Variants in TOX observed in about 807,000 individuals in gnomAD.
TOX encodes the protein thymocyte selection-associated high mobility group box protein TOX.
TOX carries 11 observed loss-of-function variants against 53.7 expected under a neutral mutation model. That is an observed-to-expected ratio of 0.20 (90% CI 0.13 to 0.34). The LOEUF (loss-of-function observed/expected upper bound fraction) is 0.34. Among genes scored for constraint, TOX ranks in the 10% least tolerant of loss-of-function variants. TOX has a pLI of 1.00. For missense variants in TOX, 570 were observed against 664.6 expected (o/e 0.86, Z 1.56); for synonymous variants, 225 against 245.3 (o/e 0.92, Z 0.77).
At chr8:58,822,027 G>A (rs1226832996) in intron 6 of TOX, among the ~76,000 whole-genome samples, 2 of 152,188 alleles carry the variant, frequency 1.3e-5, no homozygotes, top group Non-Finnish European at 1.5e-5. Flanking sequence ...CCATATGAAA[G>A]TGCAGAGGTT....
chr8:58,846,541 C>T (rs1243046961), intron 4 of TOX, among the ~76,000 whole-genome samples: 1 of 152,110 alleles, frequency 6.6e-6, no homozygotes, highest in Non-Finnish European at 1.5e-5. Context: ...AAAACTCCTA[C>T]TCTAAAGGCT....
chr8:58,939,578 TATC>T, intron 2 of TOX, 34 bp from the exon 3 acceptor site: 1 of 1,579,814 alleles, frequency 6.3e-7, no homozygotes, highest in Non-Finnish European at 8.6e-7. Context: ...TGTTGCAAAT[TATC>T]ATCTTCTTGC....
At chr8:59,111,434 T>C (rs1805015717) in intron 1 of TOX, among the ~76,000 whole-genome samples, 1 of 152,162 alleles carries the variant, frequency 6.6e-6, no homozygotes, top group South Asian at 2.1e-4. Flanking sequence ...CATGATGTTT[T>C]TCCTTTGTTG....
intron 1 of TOX, among the ~76,000 whole-genome samples, chr8:59,091,615 C>T (rs1804608150): frequency 6.6e-6 from 1 of 152,110 alleles, no homozygotes; most frequent in African/African-American, 2.4e-5. Flanking sequence ...CAGCATATCT[C>T]TCATTAGGTT....
At position 58,949,294 on chromosome 8, in the gene TOX, T is replaced by C. The variant is rs1812578543; in HGVS notation, c.169-9750A>G. Among the ~76,000 whole-genome samples the C allele has an allele frequency of 2.0e-5, 3 of 152,246 alleles. No homozygotes were observed. The South Asian group carries it at 6.2e-4, about 32-fold the overall frequency. ...AATAAATATTATCAACATTAGTGTT[T>C]AAATGGTTGCATATTGCATTGCATT... On this transcript the variant is annotated intron_variant, in intron 2 of 8. Transcript: ENST00000361421.
At chr8:59,001,906 T>C (rs994783534) in intron 1 of TOX, among the ~76,000 whole-genome samples, 1 of 151,830 alleles carries the variant, frequency 6.6e-6, no homozygotes, top group African/African-American at 2.4e-5. Flanking sequence ...ATCTTTCCCT[T>C]TATCAGTAAA....
intron 1 of TOX, among the ~76,000 whole-genome samples, chr8:59,001,331 C>T (rs1813684897): frequency 6.6e-6 from 1 of 152,180 alleles, no homozygotes; most frequent in Non-Finnish European, 1.5e-5. Context: ...ATTTTGCTGA[C>T]TTACATGGCG....
chr8:58,819,471 C>T (rs765706886), intron 6 of TOX, among the ~76,000 whole-genome samples: 13 of 152,222 alleles, frequency 8.5e-5, no homozygotes, highest in East Asian at 3.9e-4. Flanking sequence ...TGCATTTAGA[C>T]GACAGATTCT....
At chr8:58,954,912 G>A in intron 2 of TOX, among the ~76,000 whole-genome samples, 1 of 152,212 alleles carries the variant, frequency 6.6e-6, no homozygotes, top group East Asian at 1.9e-4. Flanking sequence ...GATAGTGGGT[G>A]AGGAAGCAGG....
intron 7 of TOX, among the ~76,000 whole-genome samples, chr8:58,814,061 T>C (rs567039243): frequency 6.6e-6 from 1 of 152,298 alleles, no homozygotes; most frequent in South Asian, 2.1e-4. Flanking sequence ...ACCCACACTA[T>C]AAGTTTTCTG....
chr8:58,897,259 T>G (rs1390971885), intron 3 of TOX, among the ~76,000 whole-genome samples: 1 of 152,218 alleles, frequency 6.6e-6, no homozygotes, highest in Non-Finnish European at 1.5e-5. Context: ...TAAACATTTT[T>G]ATTTCATTTT....
At chr8:58,920,450 C>T (rs1416629752) in intron 3 of TOX, among the ~76,000 whole-genome samples, 1 of 60,310 alleles carries the variant, frequency 1.7e-5, no homozygotes, top group Admixed American at 2.1e-4. Flanking sequence ...AGTAAACTAT[C>T]GCAAGAACAA....
chr8:58,898,967 T>C (rs1046726419), intron 3 of TOX, among the ~76,000 whole-genome samples: 9 of 152,304 alleles, frequency 5.9e-5, no homozygotes, highest in African/African-American at 2.2e-4. Flanking sequence ...AAATCAAGGC[T>C]CTGAGAGGTC....
At chr8:59,006,823 T>C (rs937058326) in intron 1 of TOX, among the ~76,000 whole-genome samples, 1 of 152,160 alleles carries the variant, frequency 6.6e-6, no homozygotes, top group African/African-American at 2.4e-5. Flanking sequence ...TGCACAGACA[T>C]CCAGACCAAA....
intron 1 of TOX, among the ~76,000 whole-genome samples, chr8:59,000,358 T>C (rs72651345): frequency 0.023 from 3,492 of 152,284 alleles, 86 homozygotes; most frequent in Non-Finnish European, 0.033. Context: ...GAAGACACTA[T>C]GGGAATACCC....
chr8:59,105,879 T>C (rs1019235067), intron 1 of TOX, among the ~76,000 whole-genome samples: 17 of 152,168 alleles, frequency 1.1e-4, no homozygotes, highest in African/African-American at 2.7e-4. Context: ...CATTATTAAG[T>C]TCTTGATTAG....
intron 1 of TOX, among the ~76,000 whole-genome samples, chr8:58,980,614 C>T (rs1185656491): frequency 6.6e-6 from 1 of 152,082 alleles, no homozygotes; most frequent in African/African-American, 2.4e-5. Flanking sequence ...GTGTTACCAC[C>T]CTCATGTTCC....
At chr8:59,009,857 A>T (rs1330427327) in intron 1 of TOX, among the ~76,000 whole-genome samples, 1 of 152,204 alleles carries the variant, frequency 6.6e-6, no homozygotes, top group African/African-American at 2.4e-5. Flanking sequence ...CATTTGCAGC[A>T]TTGCACCAGC....
At chr8:58,860,288 G>C (rs954169428) in intron 3 of TOX, among the ~76,000 whole-genome samples, 1 of 152,120 alleles carries the variant, frequency 6.6e-6, no homozygotes. Context: ...TTGAGTGCCT[G>C]CTATGTGCCA....
Sources: allele counts gnomAD v4.1 joint callset (sites outside exome capture counted in the v4.1 genomes callset), GRCh38; gene constraint gnomAD v4.1.1; transcripts MANE v1.5; gene names NCBI Gene and HGNC (gene_info 2026-07-23, HGNC 2026-07-21).